Variants in STRA6 observed in about 807,000 individuals in gnomAD.
STRA6 encodes the protein signaling receptor and transporter of retinol STRA6, also known as receptor for retinol uptake STRA6.
STRA6 carries 48 observed loss-of-function variants against 83.6 expected under a neutral mutation model. The ratio of observed to expected loss-of-function variants is 0.57; its 90% CI spans 0.46 to 0.73. The LOEUF (loss-of-function observed/expected upper bound fraction) is 0.73. STRA6 is among the 30% of genes least tolerant of loss of function. The probability of loss-of-function intolerance (pLI) is 0.00; values close to 1 mark genes in which losing one functional copy is unlikely to be tolerated. For missense variants in STRA6, 760 were observed against 838.8 expected (o/e 0.91, Z 1.16); for synonymous variants, 353 against 362.3 (o/e 0.97, Z 0.29).
At chr15:74,201,728 A>G (rs1007808750) in intron 2 of STRA6, among the ~76,000 whole-genome samples, 12 of 152,184 alleles carry the variant, frequency 7.9e-5, no homozygotes, top group African/African-American at 2.9e-4. Context: ...GCCTGCCCAG[A>G]GAACTTGACA....
At chr15:74,183,764 A>C in intron 14 of STRA6, 92 bp downstream of exon 14, 6 of 1,607,116 alleles carry the variant, frequency 3.7e-6, no homozygotes, top group Non-Finnish European at 5.1e-6. Context: ...CTCTGAGGGC[A>C]GTACTTGCTG....
chr15:74,209,484 C>T (rs779863045), upstream of STRA6: 3 of 1,516,948 alleles, frequency 2.0e-6, no homozygotes, highest in South Asian at 3.6e-5. Flanking sequence ...GCTGAGGGCC[C>T]TGACCACAGC....
upstream of STRA6, among the ~76,000 whole-genome samples, chr15:74,205,048 AATGGAACCTGATGTATGGT>A (rs1168536084): frequency 6.6e-6 from 1 of 152,182 alleles, no homozygotes; most frequent in Non-Finnish European, 1.5e-5. Flanking sequence ...GCCTGCACCA[AATGGAACCTGATGTATGGT>A]AGGGCTTAGG....
chr15:74,194,899 G>A, intron 7 of STRA6: 1 of 1,394,836 alleles, frequency 7.2e-7, no homozygotes, highest in Non-Finnish European at 9.3e-7. Context: ...TCTCCTCTCA[G>A]CCCTCTTAGA....
Position 74,202,238 on chromosome 15 carries a change from G to A in STRA6, c.30C>T (p.Thr10=), listed in dbSNP as rs1279066079. The change falls in exon 2 of 19, where the codon ACC becomes ACT. Residue 10 remains threonine, a synonymous_variant. Coordinates refer to ENST00000395105, the MANE Select transcript of STRA6 (RefSeq NM_022369.4). ...AGTAGTCCTCTGTGGCCCCGGGGGAGGTCTGGTTCCCTGCTGGCTGGGACG... is the reference window on the plus strand; with the variant it reads ...AGTAGTCCTCTGTGGCCCCGGGGGAAGTCTGGTTCCCTGCTGGCTGGGACG... MSSQPAGNQ[T]SPGATEDYSY... is the part of the protein sequence containing the mutation. 3.2e-6 allele frequency: 5 copies of A among 1,538,922 alleles called. No individual in the cohort carries two copies. Among genetic ancestry groups the A allele is most frequent in the Non-Finnish European group, 4.4e-6 (5 of 1,148,710 alleles).
At chr15:74,191,330 C>G in intron 9 of STRA6, 87 bp from the exon 10 acceptor site, 1 of 1,608,666 alleles carries the variant, frequency 6.2e-7, no homozygotes, top group Non-Finnish European at 8.5e-7. Flanking sequence ...TTCTTCCCCT[C>G]TGCCCCTGCC....
rs748442392 is a variant in STRA6 at position 74,183,960 on chromosome 15, GCTC to G, written c.1193_1195del (p.Gly398del). 1.9e-6 allele frequency: 3 copies of G among 1,613,728 alleles called. No individual in the cohort carries two copies. The highest frequency in any genetic ancestry group is 2.5e-6 in the Non-Finnish European group (3 of 1,180,034). The stretch of plus-strand genomic sequence containing the variant: ...ATGCAAGGGACTCAAGTCCAGGGCA[GCTC>G]CTCGGTGCAGAGCTCGAAGGTTGGT... On this transcript the variant is annotated inframe_deletion, in exon 14 of 19. Coordinates refer to ENST00000395105, the MANE Select transcript of STRA6 (RefSeq NM_022369.4).
upstream of STRA6, chr15:74,203,140 A>G (rs1354468847): frequency 9.1e-6 from 9 of 985,440 alleles, no homozygotes; most frequent in Non-Finnish European, 1.1e-5. Context: ...GGAGGCAGGG[A>G]AGGGGAATCT....
chr15:74,192,186 T>C (rs1294717623), intron 8 of STRA6, among the ~76,000 whole-genome samples: 1 of 152,112 alleles, frequency 6.6e-6, no homozygotes, highest in Non-Finnish European at 1.5e-5. Context: ...AAGAGGATTG[T>C]ACACCTCTCA....
At chr15:74,194,183 C>G (rs1187837890) in intron 7 of STRA6, among the ~76,000 whole-genome samples, 2 of 152,116 alleles carry the variant, frequency 1.3e-5, no homozygotes, top group African/African-American at 4.8e-5. Flanking sequence ...GAGGAGATCA[C>G]TTGATTCCCT....
At position 74,196,027 on chromosome 15, in the gene STRA6, G is replaced by A. The variant is rs150860532; in HGVS notation, c.387C>T (p.Leu129=). 58 of 1,613,832 alleles carry A rather than the reference G, an allele frequency of 3.6e-5. No individual in the cohort carries two copies. The Middle Eastern group carries it at 4.9e-4, about 14-fold the overall frequency. ...GGGTACCTTGGCTGGGTGCTGAGGC[G>A]AGAGTCAGGAAGGGCAATGCGTCCT... ...PDEDALPFLT[L]ASAPSQDGKT... Residue 129 remains leucine, a synonymous_variant, in exon 5 of 19, where the codon CTC becomes CTT. Coordinates refer to ENST00000395105, the MANE Select transcript of STRA6 (RefSeq NM_022369.4).
At chr15:74,199,941 G>C (rs189068309) in intron 2 of STRA6, among the ~76,000 whole-genome samples, 109 of 152,364 alleles carry the variant, frequency 7.2e-4, no homozygotes, top group Middle Eastern at 3.4e-3. Context: ...TAGTGGCTGG[G>C]AGCAGTGGCT....
intron 1 of STRA6, chr15:74,207,894 C>T: frequency 3.3e-6 from 5 of 1,493,706 alleles, no homozygotes; most frequent in South Asian, 2.6e-5. Context: ...AAGGCAGTGT[C>T]GTCGGCTGCC....
At chr15:74,192,040 C>G in intron 8 of STRA6, 1 of 169,396 alleles carries the variant, frequency 5.9e-6, no homozygotes, top group Non-Finnish European at 1.3e-5. Context: ...GGGGTGAGCC[C>G]CTGCCTGGAA....
At chr15:74,202,657 G>T in intron 1 of STRA6, 56 bp downstream of exon 1, 1 of 1,399,224 alleles carries the variant, frequency 7.1e-7, no homozygotes, top group Admixed American at 3.1e-5. Flanking sequence ...GCTGCCTAAA[G>T]AGACGCCCCT....
chr15:74,193,446 C>T (rs2142041954), intron 8 of STRA6, among the ~76,000 whole-genome samples: 1 of 152,310 alleles, frequency 6.6e-6, no homozygotes, highest in East Asian at 1.9e-4. Flanking sequence ...TGAATCATCT[C>T]ATTATGTGCA....
At chr15:74,202,628 G>A (rs2074132657) in intron 1 of STRA6, 85 bp downstream of exon 1, 16 of 1,432,790 alleles carry the variant, frequency 1.1e-5, no homozygotes, top group Non-Finnish European at 1.5e-5. Flanking sequence ...CATTTTCAAA[G>A]AAGGCTTGTC....
At chr15:74,205,360 G>A (rs1488695016), upstream of STRA6, among the ~76,000 whole-genome samples, 2 of 152,194 alleles carry the variant, frequency 1.3e-5, no homozygotes, top group Non-Finnish European at 2.9e-5. Context: ...CTTCTGGGGA[G>A]GGCCTCAGGA....
chr15:74,192,960 G>A (rs1054806566), intron 8 of STRA6, among the ~76,000 whole-genome samples: 1 of 152,182 alleles, frequency 6.6e-6, no homozygotes, highest in East Asian at 1.9e-4. Flanking sequence ...TCAGACACAA[G>A]TCCATCAGCT....
Sources: gnomAD v4.1 joint callset for allele counts (sites outside exome capture counted in the v4.1 genomes callset) on GRCh38, gnomAD v4.1.1 for gene constraint, MANE v1.5 for transcripts, NCBI Gene and HGNC (gene_info 2026-07-23, HGNC 2026-07-21) for gene names.